The following ACSF3 variants were observed in gnomAD, a reference collection of about 807,000 sequenced individuals.
The protein encoded by ACSF3 is acyl-CoA synthetase family member 3.
ACSF3 carries 78 observed loss-of-function variants against 53.2 expected under a neutral mutation model. The ratio of observed to expected loss-of-function variants is 1.47; its 90% CI spans 1.22 to 1.77. The LOEUF (loss-of-function observed/expected upper bound fraction) is 1.77. Among genes scored for constraint, ACSF3 ranks in the 40% most tolerant of loss-of-function variants. The pLI, the probability that ACSF3 is intolerant of heterozygous loss-of-function variation, is 0.00. For synonymous variants in ACSF3, 414 were observed against 333.1 expected (o/e 1.24, Z -2.65); for missense variants, 937 against 771.1 (o/e 1.22, Z -2.55).
At chr16:89,115,438 TGCTTCC>T (rs1904947385) in intron 6 of ACSF3, among the ~76,000 whole-genome samples, 7 of 152,242 alleles carry the variant, frequency 4.6e-5, no homozygotes, top group Admixed American at 4.6e-4. Flanking sequence ...TGAGCCTGTC[TGCTTCC>T]GCCCGGCTTC....
At position 89,101,293 on chromosome 16, in the gene ACSF3, G is replaced by T. The variant is rs1405817522; in HGVS notation, c.612G>T (p.Gly204=). ...NKGAMIIYTS[G]TTGRPKGVLS... Reference sequence around the variant, plus strand: ...GCGCCATGATCATCTACACCAGTGGGACCACGGGGAGGCCCAAGGGCGTGC... The same window carrying T: ...GCGCCATGATCATCTACACCAGTGGTACCACGGGGAGGCCCAAGGGCGTGC... Residue 204 remains glycine (G), a synonymous_variant, in exon 3 of 11, where the codon GGG becomes GGT. Transcript: ENST00000614302. 2.5e-6 allele frequency: 4 copies of T among 1,602,872 alleles called. No homozygotes were observed. The highest frequency in any genetic ancestry group is 3.4e-6 in the Non-Finnish European group (4 of 1,175,280).
intron 7 of ACSF3, among the ~76,000 whole-genome samples, chr16:89,125,564 G>A (rs532246279): frequency 1.3e-4 from 20 of 152,050 alleles, no homozygotes; most frequent in Non-Finnish European, 2.5e-4. Context: ...GGTGGCACAC[G>A]CCTGTAATCC....
chr16:89,094,759 G>A (rs1052662739), intron 1 of ACSF3, among the ~76,000 whole-genome samples: 2 of 152,178 alleles, frequency 1.3e-5, no homozygotes, highest in Non-Finnish European at 2.9e-5. Context: ...GCTGGGTGTG[G>A]TGGCGTACAC....
Position 89,154,909 on chromosome 16 carries a change from C to G in ACSF3, c.*702C>G, listed in dbSNP as rs963433904. 1.1e-5 allele frequency: 5 copies of G among 453,960 alleles called. No individual in the cohort carries two copies. Among genetic ancestry groups the G allele is most frequent in the Admixed American group, 7.0e-5 (3 of 42,558 alleles). 28.1% of individuals were successfully genotyped at this position (453,960 alleles called of 1,614,324 possible). ...CCTGCCTCACCCCCCAGCGCAGGGA[C>G]TTTCCAGGTCATCTCCACACCAGCC... is the stretch of plus-strand genomic sequence containing the variant. On this transcript the variant is annotated 3_prime_UTR_variant, in exon 11 of 11. Transcript: ENST00000614302.
intron 1 of ACSF3, among the ~76,000 whole-genome samples, chr16:89,096,208 G>A (rs1402481797): frequency 7.0e-6 from 1 of 142,768 alleles, no homozygotes; most frequent in East Asian, 2.0e-4. Flanking sequence ...GGTTATCAGG[G>A]TGCTGCGTAG....
Position 89,154,848 on chromosome 16 carries a change from C to G in ACSF3, c.*641C>G, listed in dbSNP as rs766847976. On this transcript the variant is annotated 3_prime_UTR_variant, in exon 11 of 11. Coordinates refer to ENST00000614302, the MANE Select transcript of ACSF3 (RefSeq NM_001243279.3). Reference sequence around the variant, plus strand: ...CCATCAGCATGTGTCACAGAAAGTGCGTGGACGGATGGCCCCGGAGCTGCT... The same window carrying G: ...CCATCAGCATGTGTCACAGAAAGTGGGTGGACGGATGGCCCCGGAGCTGCT... The G allele has an allele frequency of 6.6e-6, 3 of 454,144 alleles. No individual in the cohort carries two copies. Among genetic ancestry groups the G allele is most frequent in the Non-Finnish European group, 1.3e-5 (3 of 226,800 alleles). The allele number at this position is 454,144 out of a possible 1,614,324, so 28.1% of individuals were successfully genotyped here.
chr16:89,128,134 G>C (rs1908522111), intron 7 of ACSF3, among the ~76,000 whole-genome samples: 1 of 151,668 alleles, frequency 6.6e-6, no homozygotes, highest in Non-Finnish European at 1.5e-5. Context: ...TTAAGGTGAA[G>C]CTTTAGATTA....
chr16:89,138,466 A>G (rs1408760636), intron 8 of ACSF3, among the ~76,000 whole-genome samples: 1 of 152,228 alleles, frequency 6.6e-6, no homozygotes. Context: ...GGCTGGTGCC[A>G]GCCTCTGCGC....
At chr16:89,107,213 GGAA>G (rs1207838862) in intron 4 of ACSF3, among the ~76,000 whole-genome samples, 1 of 152,200 alleles carries the variant, frequency 6.6e-6, no homozygotes, top group East Asian at 1.9e-4. Flanking sequence ...ATGTGCTGGA[GGAA>G]GAAGGTCACC....
intron 10 of ACSF3, chr16:89,153,643 C>A (rs1231828034): frequency 3.4e-6 from 1 of 295,372 alleles, no homozygotes; most frequent in Non-Finnish European, 6.7e-6. Context: ...ACAGGGCAGA[C>A]TGCCCCTGCC....
chr16:89,126,233 T>A (rs978098256), intron 7 of ACSF3, among the ~76,000 whole-genome samples: 2 of 152,214 alleles, frequency 1.3e-5, no homozygotes, highest in African/African-American at 2.4e-5. Flanking sequence ...CTCTCCTTTT[T>A]AAACTATTGT....
rs1159686766 is a variant in ACSF3, at chr16:89,156,058, G to C, written c.*1851G>C. Reference sequence around the variant, plus strand: ...ATGCGGTTGAATGCCGTGTTCTAAAGTCACGAGTGACTCTCCAGCTGGTCC... The same window carrying C: ...ATGCGGTTGAATGCCGTGTTCTAAACTCACGAGTGACTCTCCAGCTGGTCC... On this transcript the variant is annotated 3_prime_UTR_variant, in exon 11 of 11. Transcript: ENST00000614302. Among the ~76,000 whole-genome samples the C allele has an allele frequency of 6.6e-6, 1 of 152,148 alleles. No homozygotes were observed. The highest frequency in any genetic ancestry group is 1.9e-4 in the East Asian group (1 of 5,194).
At chr16:89,114,583 C>T (rs534173456) in intron 6 of ACSF3, 96 bp downstream of exon 6, 34 of 1,562,680 alleles carry the variant, frequency 2.2e-5, no homozygotes, top group Middle Eastern at 4.5e-4. Flanking sequence ...GACTGAAGGG[C>T]GGCATGGAGG....
At chr16:89,115,961 G>A (rs970026066) in intron 6 of ACSF3, among the ~76,000 whole-genome samples, 6 of 152,182 alleles carry the variant, frequency 3.9e-5, no homozygotes, top group Non-Finnish European at 7.3e-5. Flanking sequence ...ACCTAACAGC[G>A]TCTTTAAAAT....
rs557014266 is a variant in ACSF3, at chr16:89,142,989, G to A, written c.1367-2278G>A. On this transcript the variant is annotated intron_variant, in intron 8 of 10. Transcript: ENST00000614302. ...GCGATCATAATCCATTGCCGACGTT[G>A]GCGTGACTCACCATGTCATGAGCCC... Among the ~76,000 whole-genome samples the A allele has an allele frequency of 1.1e-4, 17 of 152,374 alleles. No homozygotes were observed. The South Asian group carries it at 3.5e-3, about 32-fold the overall frequency.
At chr16:89,142,755 ACACACC>A (rs796936138) in intron 8 of ACSF3, among the ~76,000 whole-genome samples, 75 of 151,650 alleles carry the variant, frequency 4.9e-4, no homozygotes, top group African/African-American at 1.8e-3. Context: ...ACCTGCAGAG[ACACACC>A]CACACCTACA....
intron 6 of ACSF3, chr16:89,115,057 G>A (rs748839715): frequency 9.0e-6 from 2 of 221,754 alleles, no homozygotes; most frequent in South Asian, 6.4e-5. Flanking sequence ...TGGGTCCTCC[G>A]CTGGGACTTC....
rs766449799 is a variant in ACSF3 at position 89,155,618 on chromosome 16, C to G, written c.*1411C>G. On this transcript the variant is annotated 3_prime_UTR_variant, in exon 11 of 11. Coordinates refer to ENST00000614302, the MANE Select transcript of ACSF3 (RefSeq NM_001243279.3). ...AGTCAGAGGAAGGGGTCCCGCCCTC[C>G]CGCCAGAGGCCTGGACCCAAGGGAA... 13 of 453,854 alleles carry G rather than the reference C, an allele frequency of 2.9e-5. No individual in the cohort carries two copies. Among genetic ancestry groups the G allele is most frequent in the Non-Finnish European group, 5.7e-5 (13 of 226,694 alleles). The allele number at this position is 453,854 out of a possible 1,614,324, so 28.1% of individuals were successfully genotyped here. A position where few individuals can be genotyped will look rare whatever the true frequency, so the allele number is the denominator to read the frequency against.
intron 6 of ACSF3, among the ~76,000 whole-genome samples, chr16:89,119,154 C>T (rs920577103): frequency 2.8e-4 from 43 of 152,298 alleles, no homozygotes; most frequent in African/African-American, 9.6e-4. Flanking sequence ...ATGGACAATA[C>T]CACTGCTTGG....
Sources: gnomAD v4.1 joint callset for allele counts (sites outside exome capture counted in the v4.1 genomes callset) on GRCh38, gnomAD v4.1.1 for gene constraint, MANE v1.5 for transcripts, NCBI Gene and HGNC (gene_info 2026-07-23, HGNC 2026-07-21) for gene names.